The following LDB3 variants were observed in gnomAD, a reference collection of about 807,000 sequenced individuals.
LDB3 encodes LIM domain-binding protein 3.
Under a neutral mutation model 69.0 loss-of-function variants are expected in LDB3, and 49 were observed. The ratio of observed to expected loss-of-function variants is 0.71; its 90% CI spans 0.56 to 0.90. The LOEUF (loss-of-function observed/expected upper bound fraction) is 0.90, where lower values mean the gene tolerates loss of function less well. LDB3 is among the 40% of genes least tolerant of loss of function. The pLI is 0.00. For missense variants in LDB3, 928 were observed against 974.1 expected (o/e 0.95, Z 0.63); for synonymous variants, 387 against 396.2 (o/e 0.98, Z 0.28).
At chr10:86,675,057 C>T in intron 2 of LDB3, among the ~76,000 whole-genome samples, 1 of 152,204 alleles carries the variant, frequency 6.6e-6, no homozygotes, top group African/African-American at 2.4e-5. Context: ...CAGCTGAGCC[C>T]TGACAAGCAG....
intron 8 of LDB3, 108 bp from the exon 9 acceptor site, chr10:86,709,797 C>A: frequency 1.7e-6 from 2 of 1,171,318 alleles, no homozygotes; most frequent in Non-Finnish European, 2.5e-6. Flanking sequence ...ATGTCTCTGT[C>A]AGGTGTCCTC....
intron 9 of LDB3, among the ~76,000 whole-genome samples, chr10:86,713,580 CA>C (rs1846751707): frequency 1.3e-5 from 2 of 152,112 alleles, no homozygotes; most frequent in Admixed American, 1.3e-4. Flanking sequence ...TTGCACTTCA[CA>C]AAGAAAGGAA....
rs757728320 is a variant in LDB3, at chr10:86,716,416, C to T, written c.1321C>T (p.Pro441Ser). Reference protein sequence around the residue: ...PSPAPAYTPSPAPAYTPSPVP... With the variant: ...PSPAPAYTPSSAPAYTPSPVP... Reference sequence around the variant, plus strand: ...CCCTGCCCCTGCCTACACCCCCTCCCCTGCCCCTGCCTACACCCCCTCACC... The same window carrying T: ...CCCTGCCCCTGCCTACACCCCCTCCTCTGCCCCTGCCTACACCCCCTCACC... The change falls in exon 10 of 14, where the codon CCT becomes TCT. Residue 441 changes from proline to serine, a missense_variant. Coordinates refer to ENST00000361373, the MANE Select transcript of LDB3 (RefSeq NM_007078.3). 6.5e-6 allele frequency: 10 copies of T among 1,549,656 alleles called. No homozygotes were observed. The highest frequency in any genetic ancestry group is 1.4e-5 in the African/African-American group (1 of 70,238).
Position 86,679,468 on chromosome 10 carries a change from C to A in LDB3, c.195C>A (p.Ala65=). The A allele has an allele frequency of 6.2e-7, 1 of 1,614,108 alleles. No homozygotes were observed. Among genetic ancestry groups the A allele is most frequent in the Non-Finnish European group, 8.5e-7 (1 of 1,180,030 alleles). The part of the protein sequence containing the change: ...VNTDTMTHLE[A]QNKIKSASYN... ...CAGACACCATGACCCACCTGGAAGC[C>A]CAGAACAAGATCAAGTCTGCCAGCT... The change falls in exon 3 of 14, where the codon GCC becomes GCA. Residue 65 remains alanine, a synonymous_variant. Transcript: ENST00000361373.
intron 5 of LDB3, among the ~76,000 whole-genome samples, chr10:86,686,309 C>T (rs931677928): frequency 9.2e-5 from 14 of 152,210 alleles, no homozygotes; most frequent in African/African-American, 3.1e-4. Flanking sequence ...AGAATCCCTG[C>T]GGGTGCCAGT....
chr10:86,730,553 T>C (rs1195228556), intron 13 of LDB3, among the ~76,000 whole-genome samples: 2 of 152,102 alleles, frequency 1.3e-5, no homozygotes, highest in African/African-American at 2.4e-5. Flanking sequence ...TTCTATGGGG[T>C]AGGGGAAAAA....
chr10:86,688,085 A>T (rs55671246), intron 5 of LDB3, among the ~76,000 whole-genome samples: 1 of 48,404 alleles, frequency 2.1e-5, no homozygotes, highest in Non-Finnish European at 4.9e-5. Flanking sequence ...GTGTGTGTGT[A>T]TGTGTCTGTC....
intron 7 of LDB3, among the ~76,000 whole-genome samples, chr10:86,701,645 T>G (rs1846267767): frequency 6.6e-6 from 1 of 152,170 alleles, no homozygotes; most frequent in Non-Finnish European, 1.5e-5. Flanking sequence ...ACAGGGAGCA[T>G]CCCTCCAAGT....
chr10:86,712,266 G>T (rs1254735969), intron 9 of LDB3, among the ~76,000 whole-genome samples: 1 of 152,214 alleles, frequency 6.6e-6, no homozygotes, highest in Non-Finnish European at 1.5e-5. Context: ...TGAGACCTCT[G>T]TGTTGTGGGG....
At chr10:86,732,780 A>G (rs1329445884) in intron 13 of LDB3, 107 bp from the exon 14 acceptor site, 1 of 829,884 alleles carries the variant, frequency 1.2e-6, no homozygotes, top group Admixed American at 2.1e-5. Context: ...CTGGGATTAC[A>G]GGACTGAGCC....
intron 2 of LDB3, among the ~76,000 whole-genome samples, chr10:86,673,238 G>A (rs1425041296): frequency 6.6e-6 from 1 of 152,266 alleles, no homozygotes; most frequent in Middle Eastern, 3.2e-3. Context: ...AGAGGCAGGA[G>A]AGACTCAAGA....
At chr10:86,672,278 T>A (rs72848109) in intron 2 of LDB3, among the ~76,000 whole-genome samples, 1 of 152,162 alleles carries the variant, frequency 6.6e-6, no homozygotes, top group East Asian at 1.9e-4. Context: ...GCCTGTCTAC[T>A]GGAAACCCTC....
upstream of LDB3, among the ~76,000 whole-genome samples, chr10:86,667,723 G>T (rs1454241344): frequency 2.6e-5 from 4 of 152,242 alleles, no homozygotes; most frequent in Admixed American, 2.6e-4. Flanking sequence ...AGGAATAACT[G>T]GCTGGGCCCC....
intron 5 of LDB3, 34 bp downstream of exon 5, chr10:86,681,837 C>T (rs1194306154): frequency 3.2e-6 from 5 of 1,539,722 alleles, no homozygotes; most frequent in Non-Finnish European, 4.4e-6. Flanking sequence ...CCACAGGTGG[C>T]CTGGGCCACC....
chr10:86,721,456 G>A (rs978501701), intron 12 of LDB3, among the ~76,000 whole-genome samples: 1 of 152,146 alleles, frequency 6.6e-6, no homozygotes, highest in Non-Finnish European at 1.5e-5. Context: ...GAGATAGGTG[G>A]GTCAGCCCTT....
intron 5 of LDB3, among the ~76,000 whole-genome samples, chr10:86,690,150 CT>C (rs1446279973): frequency 2.0e-5 from 3 of 152,226 alleles, no homozygotes; most frequent in African/African-American, 7.2e-5. Context: ...CACCTGCTCT[CT>C]GGATTGCAAA....
chr10:86,677,322 G>T (rs1844849762), intron 2 of LDB3, among the ~76,000 whole-genome samples: 1 of 152,128 alleles, frequency 6.6e-6, no homozygotes, highest in Non-Finnish European at 1.5e-5. Context: ...AGAGTCTCTG[G>T]CATTCCATGA....
intron 5 of LDB3, chr10:86,687,109 G>T (rs1240250065): frequency 6.2e-7 from 1 of 1,614,016 alleles, no homozygotes; most frequent in African/African-American, 1.3e-5. Context: ...TGCCCTGAAG[G>T]ACTCGGCCCT....
chr10:86,686,868 T>C (rs539164725), intron 5 of LDB3, among the ~76,000 whole-genome samples: 1 of 145,426 alleles, frequency 6.9e-6, no homozygotes, highest in African/African-American at 2.5e-5. Context: ...TGGGGGAGGG[T>C]GCCAAGGATT....
Sources: gnomAD v4.1 joint callset for allele counts (sites outside exome capture counted in the v4.1 genomes callset) on GRCh38, gnomAD v4.1.1 for gene constraint, MANE v1.5 for transcripts, NCBI Gene and HGNC (gene_info 2026-07-23, HGNC 2026-07-21) for gene names.